The following ZNF66 variants were observed in gnomAD, a reference collection of about 807,000 sequenced individuals.
ZNF66 encodes the protein putative zinc finger protein 66.
In ZNF66, 32 loss-of-function variants were observed where a neutral mutation model predicts 35.2. That is an observed-to-expected ratio of 0.91 (90% CI 0.69 to 1.22). The LOEUF is 1.22. Among genes scored for constraint, ZNF66 ranks in the 50% most tolerant of loss-of-function variants. ZNF66 has a pLI of 0.00. For missense variants in ZNF66, 666 were observed against 543.1 expected (o/e 1.23, Z -2.25); for synonymous variants, 231 against 181.3 (o/e 1.27, Z -2.20).
At chr19:20,801,448 A>G (rs1035568883) in intron 3 of ZNF66, among the ~76,000 whole-genome samples, 1 of 152,010 alleles carries the variant, frequency 6.6e-6, no homozygotes, top group Non-Finnish European at 1.5e-5. Context: ...GGTTCAAGTG[A>G]TTCTCCTGCC....
intron 1 of ZNF66, among the ~76,000 whole-genome samples, chr19:20,791,748 T>C (rs1348665531): frequency 2.0e-5 from 3 of 152,188 alleles, no homozygotes; most frequent in Admixed American, 6.5e-5. Flanking sequence ...TGTATTCTTC[T>C]GTATGCATTA....
In ZNF66 at chr19:20,806,790, A is replaced by G. The variant is rs777011300; in HGVS notation, c.1190A>G (p.Tyr397Cys). 6.1e-6 allele frequency: 8 copies of G among 1,314,440 alleles called. No homozygotes were observed. Among genetic ancestry groups the G allele is most frequent in the South Asian group, 5.9e-5 (5 of 84,392 alleles). The allele number at this position is 1,314,440 out of a possible 1,614,324, so 81.4% of individuals were successfully genotyped here. A position where few individuals can be genotyped will look rare whatever the true frequency, so the allele number is the denominator to read the frequency against. ...ATAATTCATACTGGAAAGAAACCTT[A>G]CAAATGTGAAGAATGTGGCAAAGTG... ...HKIIHTGKKP[Y>C]KCEECGKVFK... Residue 397 changes from tyrosine to cysteine, a missense_variant, in exon 4 of 4, where the codon TAC becomes TGC. Physicochemically the swap from Tyr to Cys is radical, Grantham distance 194. Transcript: ENST00000344519.
chr19:20,795,998 C>G (rs1971388519), intron 3 of ZNF66, among the ~76,000 whole-genome samples: 1 of 152,156 alleles, frequency 6.6e-6, no homozygotes, highest in African/African-American at 2.4e-5. Flanking sequence ...TAGAACACTT[C>G]TCAATCTTAA....
At position 20,808,070 on chromosome 19, in the gene ZNF66, G is replaced by A. The variant is rs961804564; in HGVS notation, c.*748G>A. Among the ~76,000 whole-genome samples, 1 of 151,838 alleles carries A rather than the reference G, an allele frequency of 6.6e-6. No homozygotes were observed. Among genetic ancestry groups the A allele is most frequent in the Non-Finnish European group, 1.5e-5 (1 of 67,994 alleles). On this transcript the variant is annotated 3_prime_UTR_variant, in exon 4 of 4. Transcript: ENST00000344519. ...CACACCAGATTATATCCTGCAGCTGGCTCAGAGGGTCCTATGCCCATGGAG... is the reference window on the plus strand; with the variant it reads ...CACACCAGATTATATCCTGCAGCTGACTCAGAGGGTCCTATGCCCATGGAG...
At chr19:20,794,385 T>C (rs1238061319) in intron 3 of ZNF66, 1 of 152,270 alleles carries the variant, frequency 6.6e-6, no homozygotes, top group African/African-American at 2.4e-5. Flanking sequence ...AAGTACGATA[T>C]TCTGTTTTCT....
chr19:20,789,448 A>G (rs113201841), intron 1 of ZNF66, among the ~76,000 whole-genome samples: 5 of 152,292 alleles, frequency 3.3e-5, no homozygotes, highest in African/African-American at 1.2e-4. Context: ...GGGATAAATA[A>G]CGTATGTATT....
rs142052913 is a variant in ZNF66 at position 20,797,189 on chromosome 19, ATTTTTTTTTTTTTTT to A, written c.226+3333_226+3347del. On this transcript the variant is annotated intron_variant, in intron 3 of 3. Transcript: ENST00000344519. ...ATAATGCATCAATGTTGCATGCTAG[ATTTTTTTTTTTTTTT>A]TTTTTTTTTTTTTTTTTTTTTGAGA... Among the ~76,000 whole-genome samples, 103 of 45,468 alleles carry A rather than the reference ATTTTTTTTTTTTTTT, an allele frequency of 2.3e-3. 3 individuals are homozygous for A. The highest frequency in any genetic ancestry group is 5.2e-3 in the African/African-American group (70 of 13,360). 29.8% of individuals were successfully genotyped at this position (45,468 alleles called of 152,430 possible). A position where few individuals can be genotyped will look rare whatever the true frequency, so the allele number is the denominator to read the frequency against.
chr19:20,788,461 G>A (rs1171862747), intron 1 of ZNF66, among the ~76,000 whole-genome samples: 1 of 152,094 alleles, frequency 6.6e-6, no homozygotes, highest in Non-Finnish European at 1.5e-5. Flanking sequence ...CTGGAGTACA[G>A]TGGTGTGATC....
Position 20,809,467 on chromosome 19 carries a change from C to A in ZNF66, c.*2145C>A, listed in dbSNP as rs1215626016. Reference sequence around the variant, plus strand: ...TACCCACAAAGGGAAGCCCATCAGACTCACAGCTGACCTCTTGGCAGAAAC... The same window carrying A: ...TACCCACAAAGGGAAGCCCATCAGAATCACAGCTGACCTCTTGGCAGAAAC... On this transcript the variant is annotated 3_prime_UTR_variant, in exon 4 of 4. Coordinates refer to ENST00000344519, the MANE Select transcript of ZNF66 (RefSeq NM_001355197.2). Among the ~76,000 whole-genome samples the A allele has an allele frequency of 1.3e-5, 2 of 152,196 alleles. No individual in the cohort carries two copies. Among genetic ancestry groups the A allele is most frequent in the Non-Finnish European group, 2.9e-5 (2 of 68,046 alleles).
chr19:20,801,793 C>CT (rs35390689), intron 3 of ZNF66, among the ~76,000 whole-genome samples: 98,109 of 151,114 alleles, frequency 0.65, 32,015 homozygotes, highest in Non-Finnish European at 0.67. Flanking sequence ...ACCCAGCTAG[C>CT]TTTTTTTGTA....
chr19:20,787,317 G>A (rs959528000), intron 1 of ZNF66, among the ~76,000 whole-genome samples: 3 of 152,018 alleles, frequency 2.0e-5, no homozygotes, highest in African/African-American at 4.8e-5. Flanking sequence ...TGTTGTGTCA[G>A]CCTTTTTTAA....
At chr19:20,789,483 C>G (rs1026587910) in intron 1 of ZNF66, among the ~76,000 whole-genome samples, 2 of 152,072 alleles carry the variant, frequency 1.3e-5, no homozygotes, top group African/African-American at 4.8e-5. Flanking sequence ...TTTAAATGTT[C>G]TATTAAAACC....
At chr19:20,789,354 A>G (rs1971315666) in intron 1 of ZNF66, among the ~76,000 whole-genome samples, 1 of 152,204 alleles carries the variant, frequency 6.6e-6, no homozygotes, top group Admixed American at 6.5e-5. Flanking sequence ...ACTGATTAGA[A>G]GAGATCAGAG....
intron 1 of ZNF66, among the ~76,000 whole-genome samples, chr19:20,785,593 A>G (rs184943290): frequency 2.1e-3 from 319 of 152,210 alleles, no homozygotes; most frequent in Non-Finnish European, 3.7e-3. Flanking sequence ...CCATCTTTCC[A>G]TCTTTGTATT....
chr19:20,788,413 A>G (rs184129407), intron 1 of ZNF66, among the ~76,000 whole-genome samples: 96 of 152,240 alleles, frequency 6.3e-4, no homozygotes, highest in African/African-American at 2.2e-3. Flanking sequence ...AAGGATTATT[A>G]TAATTTTTAT....
In ZNF66 at chr19:20,807,342, A is replaced by G. The variant is rs1167180796; in HGVS notation, c.*20A>G. On this transcript the variant is annotated 3_prime_UTR_variant, in exon 4 of 4. Transcript: ENST00000344519. ...CCTTAGACACTCCTCTACCCTTACT[A>G]GACATAAGATAATTCATACTGGAGA... is the stretch of plus-strand genomic sequence containing the variant. 4 of 608,780 alleles carry G rather than the reference A, an allele frequency of 6.6e-6. No homozygotes were observed. The highest frequency in any genetic ancestry group is 1.2e-5 in the Non-Finnish European group (4 of 338,184). The allele number at this position is 608,780 out of a possible 1,614,324, so 37.7% of individuals were successfully genotyped here.
intron 1 of ZNF66, among the ~76,000 whole-genome samples, chr19:20,781,332 C>T (rs1026714588): frequency 3.9e-5 from 6 of 152,092 alleles, no homozygotes; most frequent in Middle Eastern, 3.2e-3. Context: ...TGTTAACTTA[C>T]GTACTAAGCA....
At chr19:20,789,124 G>A (rs1465269124) in intron 1 of ZNF66, among the ~76,000 whole-genome samples, 1 of 152,034 alleles carries the variant, frequency 6.6e-6, no homozygotes, top group African/African-American at 2.4e-5. Flanking sequence ...GTAGCATAAA[G>A]TTGACAGGGC....
At position 20,809,955 on chromosome 19, in the gene ZNF66, A is replaced by G. The variant is rs1184157878; in HGVS notation, c.*2633A>G. 6.6e-6 allele frequency among the ~76,000 whole-genome samples: 1 copy of G among 152,208 alleles called. No individual in the cohort carries two copies. The highest frequency in any genetic ancestry group is 1.5e-5 in the Non-Finnish European group (1 of 68,036). ...AAACCCATCTCACGTGCAGAGACAC[A>G]CATAGGCTCAAAATAAAAGGATGGA... On this transcript the variant is annotated 3_prime_UTR_variant, in exon 4 of 4. Coordinates refer to ENST00000344519, the MANE Select transcript of ZNF66 (RefSeq NM_001355197.2).
Sources: gnomAD v4.1 joint callset for allele counts (sites outside exome capture counted in the v4.1 genomes callset) on GRCh38, gnomAD v4.1.1 for gene constraint, MANE v1.5 for transcripts, NCBI Gene and HGNC (gene_info 2026-07-23, HGNC 2026-07-21) for gene names.